IL34: variants seen among roughly 807,000 people sequenced by gnomAD.
IL34 encodes the protein interleukin 34.
A neutral mutation model predicts 25.3 loss-of-function variants in IL34; 17 were observed. The observed-to-expected ratio is 0.67, with a 90% CI of 0.46 to 1.01. The LOEUF (loss-of-function observed/expected upper bound fraction) is 1.01. Ranked by LOEUF, IL34 falls within the 50% of genes least tolerant of loss-of-function variation. The probability of loss-of-function intolerance (pLI) is 0.00; values close to 1 mark genes in which losing one functional copy is unlikely to be tolerated. For missense variants in IL34, 368 were observed against 312.9 expected (o/e 1.18, Z -1.33); for synonymous variants, 174 against 140.9 (o/e 1.23, Z -1.66).
intron 1 of IL34, among the ~76,000 whole-genome samples, chr16:70,619,377 A>G (rs28868985): frequency 0.083 from 12,675 of 152,074 alleles, 1,727 homozygotes; most frequent in African/African-American, 0.29. Context: ...GCAATGAGAT[A>G]TAGCTGTAGT....
chr16:70,654,827 C>T (rs1056394192), intron 2 of IL34, among the ~76,000 whole-genome samples, 156 bp downstream of exon 2: 3 of 152,248 alleles, frequency 2.0e-5, no homozygotes, highest in Admixed American at 6.5e-5. Context: ...ACCCATGCAC[C>T]TGGTCTGCAC....
At chr16:70,603,810 G>C (rs2050957267) in intron 1 of IL34, among the ~76,000 whole-genome samples, 1 of 152,136 alleles carries the variant, frequency 6.6e-6, no homozygotes, top group Admixed American at 6.6e-5. Flanking sequence ...TTGAACTCCT[G>C]GGCTCAAGCA....
At chr16:70,642,219 TTGTG>T (rs1312758680), upstream of IL34, among the ~76,000 whole-genome samples, 1 of 151,990 alleles carries the variant, frequency 6.6e-6, no homozygotes, top group Admixed American at 6.6e-5. Context: ...GACCAGTTCT[TTGTG>T]TGAGTATGGG....
chr16:70,643,874 C>A (rs1011748844), upstream of IL34, among the ~76,000 whole-genome samples: 1 of 152,092 alleles, frequency 6.6e-6, no homozygotes, highest in Non-Finnish European at 1.5e-5. Context: ...TTTTAAAAAT[C>A]CCTACATGCT....
rs576140267 is a variant in IL34 at position 70,592,154 on chromosome 16, TTCCCA to T, written c.-401+12106_-401+12110del. On this transcript the variant is annotated intron_variant, in intron 1 of 6. Coordinates refer to the IL34 transcript ENST00000429149. ...GTCACTCCATAGCCCTCCTCCTGGC[TTCCCA>T]GGCCCCACTAAAGCCATACAATGCA... Among the ~76,000 whole-genome samples the T allele has an allele frequency of 1.4e-3, 209 of 150,804 alleles. 1 individual carries two copies. The highest frequency in any genetic ancestry group is 1.4e-3 in the Non-Finnish European group (96 of 67,732).
intron 1 of IL34, among the ~76,000 whole-genome samples, chr16:70,600,000 T>C (rs2050892026): frequency 6.6e-6 from 1 of 152,034 alleles, no homozygotes; most frequent in Non-Finnish European, 1.5e-5. Context: ...TCCAAGTCCC[T>C]CTGTAGTCTG....
chr16:70,624,017 C>A (rs1248139469), intron 1 of IL34, among the ~76,000 whole-genome samples: 1 of 151,580 alleles, frequency 6.6e-6, no homozygotes, highest in African/African-American at 2.4e-5. Context: ...CTGTGATGGT[C>A]TACGGGGCTT....
intron 1 of IL34, among the ~76,000 whole-genome samples, chr16:70,650,562 C>T (rs939652717): frequency 2.0e-5 from 3 of 152,036 alleles, no homozygotes; most frequent in African/African-American, 7.3e-5. Flanking sequence ...GATGGCCACA[C>T]AGGAAAAAAG....
intron 1 of IL34, among the ~76,000 whole-genome samples, chr16:70,619,254 A>T (rs550063428): frequency 1.3e-5 from 2 of 152,048 alleles, no homozygotes; most frequent in South Asian, 4.2e-4. Flanking sequence ...TTTTAATGAG[A>T]TGGTAAGGGG....
At chr16:70,593,210 T>C (rs1340636548) in intron 1 of IL34, among the ~76,000 whole-genome samples, 2 of 152,174 alleles carry the variant, frequency 1.3e-5, no homozygotes, top group African/African-American at 4.8e-5. Context: ...TACAAGGTCT[T>C]TATCAATATG....
rs983346520 is a variant in IL34, at chr16:70,659,655, C to T, written c.440C>T (p.Ser147Phe). 3.7e-6 allele frequency: 6 copies of T among 1,612,786 alleles called. No individual in the cohort carries two copies. Among genetic ancestry groups the T allele is most frequent in the Non-Finnish European group, 4.2e-6 (5 of 1,179,432 alleles). The change falls in exon 5 of 6, where the codon TCC becomes TTC. Residue 147 changes from serine to phenylalanine, a missense_variant. Ser to Phe is a radical substitution (Grantham distance 155). Transcript: ENST00000288098. ...EVSPKVESVL[S>F]LLNAPGPNLK... Reference sequence around the variant, plus strand: ...AGCCCCAAGGTGGAATCCGTGTTGTCCCTCTTGAATGCCCCAGGGCCAAAC... The same window carrying T: ...AGCCCCAAGGTGGAATCCGTGTTGTTCCTCTTGAATGCCCCAGGGCCAAAC...
At chr16:70,620,046 G>T (rs530971083) in intron 1 of IL34, among the ~76,000 whole-genome samples, 1 of 152,054 alleles carries the variant, frequency 6.6e-6, no homozygotes, top group South Asian at 2.1e-4. Flanking sequence ...GCAAGGAATT[G>T]CAACTTTTTT....
intron 1 of IL34, among the ~76,000 whole-genome samples, chr16:70,631,822 C>T (rs1052404255): frequency 2.0e-5 from 3 of 152,100 alleles, no homozygotes; most frequent in African/African-American, 7.2e-5. Context: ...GACAAGTTAC[C>T]TCATCCCTCT....
chr16:70,621,380 G>T (rs910072717), intron 1 of IL34, among the ~76,000 whole-genome samples: 1 of 152,174 alleles, frequency 6.6e-6, no homozygotes, highest in South Asian at 2.1e-4. Context: ...GAAATTAAGA[G>T]AAGGGAGAGA....
chr16:70,601,957 T>G (rs2050924629), intron 1 of IL34, among the ~76,000 whole-genome samples: 1 of 152,154 alleles, frequency 6.6e-6, no homozygotes, highest in South Asian at 2.1e-4. Flanking sequence ...CTTTCCAGCT[T>G]TTGAGGAGGT....
At chr16:70,609,902 C>G (rs1257694682) in intron 1 of IL34, among the ~76,000 whole-genome samples, 1 of 152,070 alleles carries the variant, frequency 6.6e-6, no homozygotes, top group Non-Finnish European at 1.5e-5. Context: ...AGGTTTGCAC[C>G]ATTTAAAATG....
chr16:70,634,846 T>G (rs1227196423), intron 1 of IL34, among the ~76,000 whole-genome samples: 1 of 152,098 alleles, frequency 6.6e-6, no homozygotes, highest in Non-Finnish European at 1.5e-5. Context: ...TGTGCACGCT[T>G]TTGTGTCTGG....
chr16:70,586,649 CGTGGGGTAGAT>C, intron 1 of IL34, among the ~76,000 whole-genome samples: 1 of 152,250 alleles, frequency 6.6e-6, no homozygotes. Context: ...GGCAGAGTGG[CGTGGGGTAGAT>C]GTGGGGTAGA....
At chr16:70,652,388 T>G (rs181797866) in intron 1 of IL34, among the ~76,000 whole-genome samples, 2 of 151,868 alleles carry the variant, frequency 1.3e-5, no homozygotes, top group East Asian at 3.9e-4. Context: ...AACCCAGGAG[T>G]TTGAGATTGC....
Sources: gnomAD v4.1 joint callset for allele counts (sites outside exome capture counted in the v4.1 genomes callset) on GRCh38, gnomAD v4.1.1 for gene constraint, MANE v1.5 for transcripts, NCBI Gene and HGNC (gene_info 2026-07-23, HGNC 2026-07-21) for gene names.